Variants in EPG5 observed in about 807,000 individuals in gnomAD.
EPG5 encodes the protein ectopic P-granules 5 autophagy tethering factor.
In EPG5, 159 loss-of-function variants were observed where a neutral mutation model predicts 302.7. The observed-to-expected ratio is 0.53, with a 90% confidence interval of 0.46 to 0.60. The LOEUF (loss-of-function observed/expected upper bound fraction) is 0.60. Among genes scored for constraint, EPG5 ranks in the 20% least tolerant of loss-of-function variants. The pLI is 0.00. For synonymous variants in EPG5, 1,158 were observed against 1,136.8 expected (o/e 1.02, Z -0.37); for missense variants, 2,896 against 3,092.4 (o/e 0.94, Z 1.51).
At chr18:45,951,391 A>G (rs929587812) in intron 3 of EPG5, among the ~76,000 whole-genome samples, 153 bp from the exon 4 acceptor site, 28 of 152,232 alleles carry the variant, frequency 1.8e-4, no homozygotes, top group Non-Finnish European at 4.4e-5. Flanking sequence ...AAATTTTTAT[A>G]AACAGACAAG....
intron 41 of EPG5, 65 bp downstream of exon 41, chr18:45,858,501 A>T (rs2048563920): frequency 8.0e-7 from 1 of 1,247,400 alleles, no homozygotes. Context: ...AGCTAGACTT[A>T]AGCTCTAAAT....
At position 45,942,299 on chromosome 18, in the gene EPG5, C is replaced by T. The variant is rs907688582; in HGVS notation, c.1943+862G>A. Among the ~76,000 whole-genome samples, 97 of 152,182 alleles carry T rather than the reference C, an allele frequency of 6.4e-4. 1 individual carries two copies. The highest frequency in any genetic ancestry group is 2.2e-3 in the African/African-American group (90 of 41,522). ...GACTGATTTATAAAGCTAATGGATA[C>T]ATATCTAAAATAAATGAATTAGGCC... On this transcript the variant is annotated intron_variant, in intron 9 of 43. Transcript: ENST00000282041.
chr18:45,813,644 T>G, the EPG5 span, among the ~76,000 whole-genome samples: 1 of 151,974 alleles, frequency 6.6e-6, no homozygotes, highest in Non-Finnish European at 1.5e-5. Context: ...AAACCATCAT[T>G]CTCAGCAAAC....
chr18:45,955,462 T>C, intron 1 of EPG5, 124 bp from the exon 2 acceptor site: 1 of 670,252 alleles, frequency 1.5e-6, no homozygotes. Flanking sequence ...CTAAATTCAC[T>C]TTATCAGTGT....
At chr18:45,944,233 T>G in intron 7 of EPG5, 114 bp from the exon 8 acceptor site, 1 of 646,536 alleles carries the variant, frequency 1.5e-6, no homozygotes, top group African/African-American at 1.8e-5. Context: ...GATATCCTCA[T>G]GAGTCTTCAT....
intron 11 of EPG5, 66 bp from the exon 12 acceptor site, chr18:45,930,896 C>G: frequency 7.3e-7 from 1 of 1,370,168 alleles, no homozygotes; most frequent in Non-Finnish European, 9.8e-7. Context: ...AATCACTCTT[C>G]CAGAGAAAAA....
chr18:45,942,701 G>A (rs1401723409), intron 9 of EPG5, among the ~76,000 whole-genome samples: 2 of 152,206 alleles, frequency 1.3e-5, no homozygotes, highest in Non-Finnish European at 2.9e-5. Context: ...TTTCTTTTGG[G>A]TGGGGAAGGA....
intron 40 of EPG5, among the ~76,000 whole-genome samples, 189 bp downstream of exon 40, chr18:45,859,915 T>G (rs186717550): frequency 2.9e-4 from 44 of 152,318 alleles, no homozygotes; most frequent in African/African-American, 9.1e-4. Flanking sequence ...TGGCCACAGG[T>G]TCTCATGCTA....
chr18:45,865,825 C>T (rs2048735228), intron 38 of EPG5, 66 bp from the exon 39 acceptor site: 2 of 1,529,262 alleles, frequency 1.3e-6, no homozygotes, highest in African/African-American at 1.4e-5. Context: ...CTGCATATTT[C>T]CTGGGAGCAT....
chr18:45,932,080 C>A (rs1360950685), intron 11 of EPG5, among the ~76,000 whole-genome samples: 2 of 151,736 alleles, frequency 1.3e-5, no homozygotes, highest in East Asian at 3.9e-4. Flanking sequence ...ACAAAGTATT[C>A]CCAGAATAAT....
At chr18:45,930,617 C>T in intron 12 of EPG5, 59 bp downstream of exon 12, 4 of 1,423,380 alleles carry the variant, frequency 2.8e-6, no homozygotes, top group South Asian at 1.5e-5. Context: ...AAAAAATCAA[C>T]AGATGGACAA....
chr18:45,862,197 T>C (rs2048648981), intron 39 of EPG5, among the ~76,000 whole-genome samples: 1 of 152,242 alleles, frequency 6.6e-6, no homozygotes, highest in Non-Finnish European at 1.5e-5. Context: ...TATTGTCTTA[T>C]ACAGTCAGAT....
At chr18:45,934,344 C>T (rs7235667) in intron 11 of EPG5, among the ~76,000 whole-genome samples, 2,872 of 152,020 alleles carry the variant, frequency 0.019, 108 homozygotes, top group African/African-American at 0.065. Context: ...GGTGGTATGA[C>T]GCAAAAACTT....
the EPG5 span, among the ~76,000 whole-genome samples, chr18:45,810,757 G>A: frequency 2.6e-5 from 4 of 152,182 alleles, no homozygotes; most frequent in Admixed American, 6.5e-5. Context: ...CCCTAGCCTA[G>A]GTGACAGAGT....
intron 34 of EPG5, among the ~76,000 whole-genome samples, chr18:45,877,076 G>A (rs888333958): frequency 3.3e-5 from 5 of 151,974 alleles, no homozygotes; most frequent in African/African-American, 7.2e-5. Flanking sequence ...GAGCCACCAC[G>A]CCTGGCCCAG....
intron 22 of EPG5, 81 bp from the exon 23 acceptor site, chr18:45,910,823 CA>C: frequency 9.2e-7 from 1 of 1,082,056 alleles, no homozygotes; most frequent in Non-Finnish European, 1.3e-6. Context: ...AGTTAATTAG[CA>C]AGGCAATTTA....
At chr18:45,814,857 C>A in the EPG5 span, among the ~76,000 whole-genome samples, 3 of 152,160 alleles carry the variant, frequency 2.0e-5, no homozygotes, top group Non-Finnish European at 2.9e-5. Context: ...ACATTGTTAT[C>A]CATTAACTAC....
At chr18:45,930,059 AT>A (rs1051083551) in intron 12 of EPG5, among the ~76,000 whole-genome samples, 2 of 152,214 alleles carry the variant, frequency 1.3e-5, no homozygotes, top group African/African-American at 4.8e-5. Flanking sequence ...TCCAATGAAC[AT>A]TTTGGTAACC....
intron 21 of EPG5, 138 bp downstream of exon 21, chr18:45,913,568 A>T: frequency 2.0e-6 from 2 of 1,017,654 alleles, no homozygotes; most frequent in Non-Finnish European, 2.9e-6. Flanking sequence ...ACACAGTTTT[A>T]AGTATTGGTT....
Sources: allele counts gnomAD v4.1 joint callset (sites outside exome capture counted in the v4.1 genomes callset), GRCh38; gene constraint gnomAD v4.1.1; transcripts MANE v1.5; gene names NCBI Gene and HGNC (gene_info 2026-07-23, HGNC 2026-07-21).